CFAP410: variants seen among roughly 807,000 people sequenced by gnomAD.
The protein encoded by CFAP410 is cilia- and flagella-associated protein 410.
A neutral mutation model predicts 25.7 loss-of-function variants in CFAP410; 27 were observed. The ratio of observed to expected loss-of-function variants is 1.05; its 90% CI spans 0.77 to 1.45. CFAP410 has a LOEUF of 1.45. Among genes scored for constraint, CFAP410 ranks in the 40% most tolerant of loss-of-function variants. The probability of loss-of-function intolerance (pLI) is 0.00; values close to 1 mark genes in which losing one functional copy is unlikely to be tolerated. For synonymous variants in CFAP410, 178 were observed against 158.4 expected, an observed-to-expected ratio of 1.12 and a Z score of -0.93; for missense variants, 428 against 354.1, an observed-to-expected ratio of 1.21 and a Z score of -1.67.
Position 44,339,290 on chromosome 21 carries a change from G to C in CFAP410, c.-96C>G. ...GCGTGTCTCCAGGGGCGGGGCCCGCGTCGTCAGGGGCGGATCCTGAGCCGA... is the reference window on the plus strand; with the variant it reads ...GCGTGTCTCCAGGGGCGGGGCCCGCCTCGTCAGGGGCGGATCCTGAGCCGA... On this transcript the variant is annotated 5_prime_UTR_variant, in exon 1 of 7. Transcript: ENST00000339818. 1.4e-6 allele frequency: 1 copy of C among 735,606 alleles called. No homozygotes were observed. The highest frequency in any genetic ancestry group is 2.0e-6 in the Non-Finnish European group (1 of 502,100). 45.6% of individuals were successfully genotyped at this position (735,606 alleles called of 1,614,324 possible).
At chr21:44,332,054 C>T (rs2047660379) in intron 4 of CFAP410, 40 bp from the exon 5 acceptor site, 1 of 1,545,428 alleles carries the variant, frequency 6.5e-7, no homozygotes, top group Non-Finnish European at 8.8e-7. Context: ...AGTGGCCTCA[C>T]CCACGTGCAG....
At chr21:44,334,122 G>A (rs751730336) in intron 3 of CFAP410, 4 of 456,182 alleles carry the variant, frequency 8.8e-6, no homozygotes, top group South Asian at 6.2e-5. Context: ...GGCACAGGCA[G>A]CAGCGTGATG....
In CFAP410 at chr21:44,339,200, CCGCCCAGGCCCGACCGGCGGG is replaced by C. The variant is rs772386215; in HGVS notation, c.-27_-7del. On this transcript the variant is annotated 5_prime_UTR_variant, in exon 1 of 7. Transcript: ENST00000339818. ...ATCTTCCGCGTCAGCTTCATGGCGGCCGCCCAGGCCCGACCGGCGGGCGCCCCCGGCCTCCTGATCCCGGGC... is the reference window on the plus strand; with the variant it reads ...ATCTTCCGCGTCAGCTTCATGGCGGCCGCCCCCGGCCTCCTGATCCCGGGC... The C allele has an allele frequency of 4.3e-5, 62 of 1,444,664 alleles. No individual in the cohort carries two copies. The highest frequency in any genetic ancestry group is 3.6e-4 in the African/African-American group (24 of 67,154). 89.5% of individuals were successfully genotyped at this position (1,444,664 alleles called of 1,614,324 possible). A position where few individuals can be genotyped will look rare whatever the true frequency, so the allele number is the denominator to read the frequency against.
At chr21:44,337,096 A>AAAG (rs766693344) in intron 2 of CFAP410, among the ~76,000 whole-genome samples, 9,762 of 151,528 alleles carry the variant, frequency 0.064, 436 homozygotes, top group Middle Eastern at 0.14. Context: ...AAAAAAAAAA[A>AAAG]AAAGAAAGAA....
At chr21:44,334,448 G>A (rs1285882906) in intron 3 of CFAP410, 5 of 304,072 alleles carry the variant, frequency 1.6e-5, no homozygotes, top group African/African-American at 3.1e-5. Flanking sequence ...TCACTGTGTC[G>A]CCTGACTAGT....
At chr21:44,336,439 G>A (rs2047757604) in intron 2 of CFAP410, among the ~76,000 whole-genome samples, 1 of 152,148 alleles carries the variant, frequency 6.6e-6, no homozygotes, top group South Asian at 2.1e-4. Context: ...ACAGGTCTAG[G>A]CCAAAAGGAA....
In CFAP410 at chr21:44,330,801, C is replaced by T. The variant is rs746114248; in HGVS notation, c.642+22G>A. On this transcript the variant is annotated intron_variant, in intron 6 of 6. Coordinates refer to ENST00000339818, the MANE Select transcript of CFAP410 (RefSeq NM_004928.3). ...GTGCAGTGGGCAGAGGCAGCCGCGGCCCCTAGCGGCCCGCCACTCACCCTG... is the reference window on the plus strand; with the variant it reads ...GTGCAGTGGGCAGAGGCAGCCGCGGTCCCTAGCGGCCCGCCACTCACCCTG... 1.0e-5 allele frequency: 16 copies of T among 1,573,574 alleles called. No homozygotes were observed. Among genetic ancestry groups the T allele is most frequent in the Non-Finnish European group, 1.4e-5 (16 of 1,160,384 alleles).
intron 3 of CFAP410, chr21:44,334,725 G>T (rs2047721860): frequency 4.2e-6 from 1 of 235,700 alleles, no homozygotes; most frequent in African/African-American, 2.3e-5. Context: ...TTTGACCCAT[G>T]AGCATGCCTC....
Position 44,329,452 on chromosome 21 carries a change from A to C in CFAP410, c.*746T>G, listed in dbSNP as rs745710040. The C allele has an allele frequency of 2.0e-5, 3 of 152,146 alleles. No homozygotes were observed. The highest frequency in any genetic ancestry group is 2.9e-5 in the Non-Finnish European group (2 of 68,050). The allele number at this position is 152,146 out of a possible 1,614,324, so 9.4% of individuals were successfully genotyped here. A position where few individuals can be genotyped will look rare whatever the true frequency, so the allele number is the denominator to read the frequency against. On this transcript the variant is annotated 3_prime_UTR_variant, in exon 7 of 7. Transcript: ENST00000339818. ...ACTGCCCAGATTGTGGCATCCTCAT[A>C]AGACTTGCGACTCTTCCCAGAGGAA...
intron 3 of CFAP410, chr21:44,334,728 C>T: frequency 4.3e-6 from 1 of 233,764 alleles, no homozygotes; most frequent in Non-Finnish European, 8.6e-6. Context: ...GACCCATGAG[C>T]ATGCCTCCAA....
At position 44,330,840 on chromosome 21, in the gene CFAP410, T is replaced by C. The variant is rs758259141; in HGVS notation, c.625A>G (p.Ser209Gly). Reference protein sequence around the residue: ...FPSLSARDASSSHRGRNVLTA... With the variant: ...FPSLSARDASGSHRGRNVLTA... ...CCACTCACCCTGCCCCTGTGGCTGC[T>C]CGAGGCATCCCTGGCTGAGAGGGAA... The change falls in exon 6 of 7, where the codon AGC (serine) becomes GGC (glycine). Residue 209 changes from serine (S) to glycine (G), a missense_variant. Coordinates refer to ENST00000339818, the MANE Select transcript of CFAP410 (RefSeq NM_004928.3). The C allele has an allele frequency of 2.5e-6, 4 of 1,604,386 alleles. No individual in the cohort carries two copies. In the South Asian group the frequency reaches 4.5e-5, roughly 18 times the overall value.
chr21:44,333,598 G>T (rs752864654), intron 3 of CFAP410: 12 of 440,456 alleles, frequency 2.7e-5, no homozygotes, highest in Non-Finnish European at 4.5e-5. Context: ...GGCCTCTCAG[G>T]GGACATATCA....
chr21:44,335,514 G>C, intron 3 of CFAP410: 1 of 582,586 alleles, frequency 1.7e-6, no homozygotes. Flanking sequence ...GCGTACAGCA[G>C]GGCAGGCAGG....
At chr21:44,337,377 C>T (rs2047775715) in intron 2 of CFAP410, among the ~76,000 whole-genome samples, 1 of 152,210 alleles carries the variant, frequency 6.6e-6, no homozygotes, top group African/African-American at 2.4e-5. Flanking sequence ...AACTATTGCT[C>T]CCCTCCTCTG....
intron 3 of CFAP410, chr21:44,333,870 G>T: frequency 2.8e-6 from 1 of 354,690 alleles, no homozygotes; most frequent in Non-Finnish European, 5.6e-6. Flanking sequence ...GCTCCCGCAG[G>T]CCCTCAAAGG....
chr21:44,334,045 G>A (rs2047702092), intron 3 of CFAP410: 3 of 452,844 alleles, frequency 6.6e-6, no homozygotes, highest in Non-Finnish European at 1.3e-5. Context: ...CTAGCTATGA[G>A]GCCGCCCCAT....
At chr21:44,330,429 G>A in intron 6 of CFAP410, 103 bp from the exon 7 acceptor site, 1 of 1,549,314 alleles carries the variant, frequency 6.5e-7, no homozygotes, top group Non-Finnish European at 8.7e-7. Flanking sequence ...CGGAGCGACT[G>A]GTCCCGGGGG....
intron 5 of CFAP410, 54 bp from the exon 6 acceptor site, chr21:44,330,973 G>GA: frequency 2.1e-6 from 3 of 1,452,460 alleles, no homozygotes; most frequent in Non-Finnish European, 2.8e-6. Context: ...CACCGGGGGG[G>GA]CCTCTGCAAA....
chr21:44,334,683 G>A (rs1350325810), intron 3 of CFAP410: 8 of 255,916 alleles, frequency 3.1e-5, no homozygotes, highest in Non-Finnish European at 1.6e-5. Flanking sequence ...CCTCGCCCAA[G>A]GTTAGCCAGC....
Sources: gnomAD v4.1 joint callset for allele counts (sites outside exome capture counted in the v4.1 genomes callset) on GRCh38, gnomAD v4.1.1 for gene constraint, MANE v1.5 for transcripts, NCBI Gene and HGNC (gene_info 2026-07-23, HGNC 2026-07-21) for gene names.